EIF5A2: variants seen among roughly 807,000 people sequenced by gnomAD.
The protein encoded by EIF5A2 is eukaryotic translation initiation factor 5A2, also known as eukaryotic translation initiation factor 5A-2.
Under a neutral mutation model 16.4 loss-of-function variants are expected in EIF5A2, and 15 were observed. The ratio of observed to expected loss-of-function variants is 0.92; its 90% CI spans 0.61 to 1.41. The LOEUF is 1.41. Ranked by LOEUF, EIF5A2 falls within the 40% of genes most tolerant of loss-of-function variation. EIF5A2 has a pLI of 0.00. For synonymous variants in EIF5A2, 48 were observed against 61.1 expected (o/e 0.79, Z 1.00); for missense variants, 144 against 189.5 (o/e 0.76, Z 1.41).
At position 170,893,338 on chromosome 3, in the gene EIF5A2, T is replaced by G; in HGVS notation, c.*22A>C. 1.2e-6 allele frequency: 2 copies of G among 1,613,322 alleles called. No homozygotes were observed. Among genetic ancestry groups the G allele is most frequent in the Non-Finnish European group, 1.7e-6 (2 of 1,179,608 alleles). ...CTGCAGTTGATTCAGACATAAACAG[T>G]GTTCATGCCTGATGTTTCCGTTTAT... On this transcript the variant is annotated 3_prime_UTR_variant, in exon 5 of 5. Coordinates refer to ENST00000295822, the MANE Select transcript of EIF5A2 (RefSeq NM_020390.6).
chr3:170,904,306 ACTTTTT>A (rs1179690925), intron 3 of EIF5A2, among the ~76,000 whole-genome samples: 2 of 152,266 alleles, frequency 1.3e-5, no homozygotes, highest in Non-Finnish European at 2.9e-5. Context: ...TTTCCTGTTT[ACTTTTT>A]AATTATCATA....
rs146298289 is a variant in EIF5A2, at chr3:170,895,335, T to C, written c.271-912A>G. Among the ~76,000 whole-genome samples, 303 of 151,134 alleles carry C rather than the reference T, an allele frequency of 2.0e-3. 1 individual carries two copies. Among genetic ancestry groups the C allele is most frequent in the African/African-American group, 6.9e-3 (286 of 41,242 alleles). ...TCCACTAGTGTATGGATAACATTAG[T>C]GAAAAAAAAAAACCCAGTTGTCAAC... On this transcript the variant is annotated intron_variant, in intron 3 of 4. Transcript: ENST00000295822.
intron 2 of EIF5A2, among the ~76,000 whole-genome samples, 158 bp from the exon 3 acceptor site, chr3:170,907,251 A>C (rs980344871): frequency 6.6e-6 from 1 of 152,222 alleles, no homozygotes; most frequent in Non-Finnish European, 1.5e-5. Flanking sequence ...TGGTCTTACA[A>C]TTAAGAGGCA....
chr3:170,904,048 A>C (rs566620630), intron 3 of EIF5A2, among the ~76,000 whole-genome samples: 2 of 152,326 alleles, frequency 1.3e-5, no homozygotes, highest in Admixed American at 1.3e-4. Context: ...ATGATTCCAG[A>C]GAGTGCTAAA....
chr3:170,897,283 G>C (rs1412541791), intron 3 of EIF5A2, among the ~76,000 whole-genome samples: 1 of 152,244 alleles, frequency 6.6e-6, no homozygotes, highest in Non-Finnish European at 1.5e-5. Flanking sequence ...GCCAGCTGCA[G>C]AAATTTGCAT....
chr3:170,907,749 TAGGGTAAGTGCTGGA>T lies in EIF5A2; in HGVS notation c.43_57del (p.Ser15_Pro19del), dbSNP rs1712976778. ...TTTTTGCGCAAGGCCGAGCACTGCA[TAGGGTAAGTGCTGGA>T]AGCCCCGGCATCTCCAGTAGTGAAA... is the stretch of plus-strand genomic sequence containing the variant. On this transcript the variant is annotated inframe_deletion, in exon 2 of 5. Transcript: ENST00000295822. The T allele has an allele frequency of 6.2e-7, 1 of 1,600,986 alleles. No individual in the cohort carries two copies. Among genetic ancestry groups the T allele is most frequent in the Admixed American group, 1.7e-5 (1 of 59,748 alleles).
rs1712562206 is a variant in EIF5A2 at position 170,892,559 on chromosome 3, G to C, written c.*801C>G. ...GCAGATCACTCCCTTTAAACGTTGG[G>C]GGCAAAGTTAAAAGCAAAAACAACT... On this transcript the variant is annotated 3_prime_UTR_variant, in exon 5 of 5. Coordinates refer to ENST00000295822, the MANE Select transcript of EIF5A2 (RefSeq NM_020390.6). 2 of 391,316 alleles carry C rather than the reference G, an allele frequency of 5.1e-6. No individual in the cohort carries two copies. Among genetic ancestry groups the C allele is most frequent in the East Asian group, 7.2e-5 (2 of 27,608 alleles). 24.2% of individuals were successfully genotyped at this position (391,316 alleles called of 1,614,324 possible). A position where few individuals can be genotyped will look rare whatever the true frequency, so the allele number is the denominator to read the frequency against.
intron 3 of EIF5A2, among the ~76,000 whole-genome samples, chr3:170,898,188 T>C (rs1357038564): frequency 6.6e-6 from 1 of 152,216 alleles, no homozygotes; most frequent in African/African-American, 2.4e-5. Flanking sequence ...GGGACTTCCC[T>C]TGTTTCAGAT....
At chr3:170,906,663 G>GA (rs1712942472) in intron 3 of EIF5A2, among the ~76,000 whole-genome samples, 1 of 152,082 alleles carries the variant, frequency 6.6e-6, no homozygotes, top group African/African-American at 2.4e-5. Flanking sequence ...ATTAGAACAA[G>GA]AAATATTTTA....
intron 2 of EIF5A2, 51 bp from the exon 3 acceptor site, chr3:170,907,144 C>A (rs775360044): frequency 1.7e-5 from 20 of 1,184,640 alleles, no homozygotes; most frequent in Non-Finnish European, 2.4e-5. Context: ...GTATATCACT[C>A]ATTACACACA....
rs1336612713 is a variant in EIF5A2 at position 170,902,065 on chromosome 3, A to G, written c.270+4924T>C. Among the ~76,000 whole-genome samples the G allele has an allele frequency of 3.3e-5, 5 of 152,186 alleles. No homozygotes were observed. The East Asian group carries it at 9.6e-4, about 29-fold the overall frequency. On this transcript the variant is annotated intron_variant, in intron 3 of 4. Coordinates refer to ENST00000295822, the MANE Select transcript of EIF5A2 (RefSeq NM_020390.6). ...CAGCTCTCCATCATTGAGTGGAAGT[A>G]GCATATATGAGATCAGCTTGAGAAG...
At chr3:170,896,011 A>G (rs1006216818) in intron 3 of EIF5A2, among the ~76,000 whole-genome samples, 11 of 152,326 alleles carry the variant, frequency 7.2e-5, no homozygotes, top group East Asian at 1.9e-4. Flanking sequence ...ACATTCCAAG[A>G]CAAATCTTTC....
In EIF5A2 at chr3:170,892,553, C is replaced by A. The variant is rs994608195; in HGVS notation, c.*807G>T. 2.1e-5 allele frequency: 8 copies of A among 378,796 alleles called. No individual in the cohort carries two copies. The highest frequency in any genetic ancestry group is 3.7e-5 in the Non-Finnish European group (8 of 214,594). 23.5% of individuals were successfully genotyped at this position (378,796 alleles called of 1,614,324 possible). A position where few individuals can be genotyped will look rare whatever the true frequency, so the allele number is the denominator to read the frequency against. ...TGTAAAGCAGATCACTCCCTTTAAA[C>A]GTTGGGGGCAAAGTTAAAAGCAAAA... On this transcript the variant is annotated 3_prime_UTR_variant, in exon 5 of 5. Coordinates refer to ENST00000295822, the MANE Select transcript of EIF5A2 (RefSeq NM_020390.6).
Position 170,908,575 on chromosome 3 carries a change from G to A in EIF5A2, c.-68C>T, listed in dbSNP as rs958365599. 6.5e-6 allele frequency: 1 copy of A among 152,948 alleles called. No homozygotes were observed. Among genetic ancestry groups the A allele is most frequent in the South Asian group, 2.1e-4 (1 of 4,860 alleles). 9.5% of individuals were successfully genotyped at this position (152,948 alleles called of 1,614,324 possible). ...CTGGCAAAGAGCGCCTTTCGTCTGC[G>A]CACCCGCGCTGGTCCCCTACAGCAG... On this transcript the variant is annotated 5_prime_UTR_variant, in exon 1 of 5. Coordinates refer to ENST00000295822, the MANE Select transcript of EIF5A2 (RefSeq NM_020390.6).
rs550872143 is a variant in EIF5A2, at chr3:170,893,144, T to C, written c.*216A>G. On this transcript the variant is annotated 3_prime_UTR_variant, in exon 5 of 5. Coordinates refer to ENST00000295822, the MANE Select transcript of EIF5A2 (RefSeq NM_020390.6). ...CATACTGAAAACCACAGGAATATTA[T>C]AGGAAACATATCTACAAAATTCAAA... 4.3e-5 allele frequency: 20 copies of C among 462,426 alleles called. No individual in the cohort carries two copies. In the South Asian group the frequency reaches 5.1e-4, roughly 12 times the overall value. The allele number at this position is 462,426 out of a possible 1,614,324, so 28.6% of individuals were successfully genotyped here.
intron 3 of EIF5A2, among the ~76,000 whole-genome samples, chr3:170,902,175 A>G (rs991247249): frequency 6.6e-6 from 1 of 152,172 alleles, no homozygotes; most frequent in African/African-American, 2.4e-5. Flanking sequence ...TTCTCCTTCA[A>G]CTGATACCAA....
chr3:170,903,934 T>C (rs1285960045), intron 3 of EIF5A2, among the ~76,000 whole-genome samples: 1 of 152,242 alleles, frequency 6.6e-6, no homozygotes, highest in African/African-American at 2.4e-5. Context: ...TTAGTCTTCC[T>C]TCTGGAAAAT....
intron 3 of EIF5A2, among the ~76,000 whole-genome samples, chr3:170,903,072 A>G (rs1179467692): frequency 6.6e-6 from 1 of 152,198 alleles, no homozygotes; most frequent in African/African-American, 2.4e-5. Flanking sequence ...AGAAGTCTTA[A>G]TATGTTTCCC....
At chr3:170,899,842 G>A (rs1024166122) in intron 3 of EIF5A2, among the ~76,000 whole-genome samples, 1 of 151,990 alleles carries the variant, frequency 6.6e-6, no homozygotes, top group African/African-American at 2.4e-5. Context: ...TGGAAGGTGG[G>A]GATGGTAAGG....
Sources: allele counts gnomAD v4.1 joint callset (sites outside exome capture counted in the v4.1 genomes callset), GRCh38; gene constraint gnomAD v4.1.1; transcripts MANE v1.5; gene names NCBI Gene and HGNC (gene_info 2026-07-23, HGNC 2026-07-21).